The following CACNA2D4 variants were observed in gnomAD, a reference collection of about 807,000 sequenced individuals.
CACNA2D4 encodes calcium voltage-gated channel auxiliary subunit alpha2delta 4.
CACNA2D4 carries 157 observed loss-of-function variants against 163.8 expected under a neutral mutation model. The ratio of observed to expected loss-of-function variants is 0.96; its 90% CI spans 0.84 to 1.09. The LOEUF is 1.09. Ranked by LOEUF, CACNA2D4 falls within the 50% of genes least tolerant of loss-of-function variation. The pLI is 0.00. For synonymous variants in CACNA2D4, 598 were observed against 586.9 expected (o/e 1.02, Z -0.27); for missense variants, 1,410 against 1,479.9 (o/e 0.95, Z 0.78).
chr12:1,913,074 C>A lies in CACNA2D4; in HGVS notation c.375G>T (p.Lys125Asn), dbSNP rs369268682. 1.2e-5 allele frequency: 20 copies of A among 1,613,810 alleles called. No individual in the cohort carries two copies. Among genetic ancestry groups the A allele is most frequent in the Admixed American group, 5.0e-5 (3 of 60,012 alleles). ...GCATGTTCTCCATGTCCTCTGAGAA[C>A]TTCCTCACCAGCTCCAAGCCATCCA... ...EEVDGLELVR[K>N]FSEDMENMLR... Residue 125 changes from lysine (K) to asparagine (N), a missense_variant, in exon 3 of 38, where the codon AAG (lysine) becomes AAT (asparagine). Coordinates refer to ENST00000382722, the MANE Select transcript of CACNA2D4 (RefSeq NM_172364.5).
At position 1,882,862 on chromosome 12, in the gene CACNA2D4, C is replaced by T; in HGVS notation, c.1485+5G>A. On this transcript the variant is annotated splice_donor_5th_base_variant and intron_variant, in intron 13 of 37. Coordinates refer to ENST00000382722, the MANE Select transcript of CACNA2D4 (RefSeq NM_172364.5). ...TCTCGAGCTGGGAGCTGCTGCCAGG[C>T]TCACCTTGCTGTCCATGTAGGCCTC... 1.2e-6 allele frequency: 2 copies of T among 1,613,610 alleles called. No individual in the cohort carries two copies. The highest frequency in any genetic ancestry group is 2.2e-5 in the South Asian group (2 of 90,974).
At chr12:1,811,785 T>G in intron 26 of CACNA2D4, 62 bp from the exon 27 acceptor site, 1 of 1,500,036 alleles carries the variant, frequency 6.7e-7, no homozygotes, top group Non-Finnish European at 9.1e-7. Context: ...AAAAATAGAG[T>G]CAAGTTAAAG....
At chr12:1,871,590 A>G (rs1237716822) in intron 18 of CACNA2D4, among the ~76,000 whole-genome samples, 2 of 133,446 alleles carry the variant, frequency 1.5e-5, no homozygotes, top group East Asian at 2.4e-4. Flanking sequence ...TTGCTGGTGT[A>G]TGTGTGTACA....
At chr12:1,846,567 C>T in intron 24 of CACNA2D4, 27 bp downstream of exon 24, 1 of 1,549,736 alleles carries the variant, frequency 6.5e-7, no homozygotes, top group Non-Finnish European at 8.7e-7. Flanking sequence ...CAGGGATTGC[C>T]CTCCCGAGGT....
intron 22 of CACNA2D4, among the ~76,000 whole-genome samples, chr12:1,855,738 T>G (rs1440309861): frequency 6.6e-6 from 1 of 152,182 alleles, no homozygotes; most frequent in African/African-American, 2.4e-5. Flanking sequence ...TAACAGAGCT[T>G]GGTGGATAGA....
chr12:1,804,998 A>T (rs1020632014), intron 29 of CACNA2D4, among the ~76,000 whole-genome samples: 10 of 152,252 alleles, frequency 6.6e-5, no homozygotes, highest in African/African-American at 2.4e-4. Flanking sequence ...GCGAAGGTCC[A>T]AACGTCGACG....
chr12:1,915,178 C>T (rs1163348609), intron 1 of CACNA2D4: 1 of 702,576 alleles, frequency 1.4e-6, no homozygotes, highest in African/African-American at 1.7e-5. Context: ...TGCCCAGAAA[C>T]ACACAAAAGA....
chr12:1,800,521 A>G, intron 31 of CACNA2D4, 83 bp from the exon 32 acceptor site: 2 of 1,371,268 alleles, frequency 1.5e-6, no homozygotes, highest in Non-Finnish European at 1.0e-6. Context: ...CCACCCTCAG[A>G]GAGACCAGAG....
Position 1,855,887 on chromosome 12 carries a change from C to A in CACNA2D4, c.2152+125G>T, listed in dbSNP as rs892465387. On this transcript the variant is annotated intron_variant, in intron 22 of 37. Transcript: ENST00000382722. The stretch of plus-strand genomic sequence containing the variant: ...GGGAATCTCCCTGTTTGATCTAAGC[C>A]ATCCATGTGCTAATGGGATAGGGCT... The A allele has an allele frequency of 1.2e-5, 8 of 688,482 alleles. No individual in the cohort carries two copies. The African/African-American group carries it at 1.4e-4, about 12-fold the overall frequency. The allele number at this position is 688,482 out of a possible 1,614,324, so 42.6% of individuals were successfully genotyped here. A position where few individuals can be genotyped will look rare whatever the true frequency, so the allele number is the denominator to read the frequency against.
intron 18 of CACNA2D4, among the ~76,000 whole-genome samples, chr12:1,866,124 CAAA>C (rs1865646945): frequency 6.6e-6 from 1 of 152,186 alleles, no homozygotes. Flanking sequence ...ATTTTACCAT[CAAA>C]AGTTAGCTCC....
intron 30 of CACNA2D4, 44 bp downstream of exon 30, chr12:1,801,529 GT>G: frequency 7.0e-7 from 1 of 1,435,224 alleles, no homozygotes; most frequent in Non-Finnish European, 9.6e-7. Context: ...TCAGCTCTCG[GT>G]TTGCTGTGTC....
intron 18 of CACNA2D4, among the ~76,000 whole-genome samples, chr12:1,871,177 G>T (rs912262711): frequency 6.8e-6 from 1 of 146,576 alleles, no homozygotes; most frequent in Non-Finnish European, 1.5e-5. Context: ...GTGTGTGCCT[G>T]TGTACACGTG....
chr12:1,810,301 G>A lies in CACNA2D4; in HGVS notation c.2698C>T (p.Leu900=). ...CFVIDNNGFI[L]ISKRSRETGR... ...ACCTCTCGGGACCTCTTGGAGATCA[G>A]AATGAACCCGTTGTTGTCGATGACG... Residue 900 remains leucine, a synonymous_variant, in exon 29 of 38, where the codon CTG becomes TTG. Coordinates refer to ENST00000382722, the MANE Select transcript of CACNA2D4 (RefSeq NM_172364.5). 1.2e-6 allele frequency: 2 copies of A among 1,613,950 alleles called. No individual in the cohort carries two copies. Among genetic ancestry groups the A allele is most frequent in the South Asian group, 1.1e-5 (1 of 91,068 alleles).
In CACNA2D4 at chr12:1,834,489, C is replaced by T; in HGVS notation, c.2551+6250G>A. Reference sequence around the variant, plus strand: ...GAGCCGGAGCCCAGCACAGCCTGCCCACAGAAGCAGAGGCACCGGCCGGCG... The same window carrying T: ...GAGCCGGAGCCCAGCACAGCCTGCCTACAGAAGCAGAGGCACCGGCCGGCG... On this transcript the variant is annotated intron_variant, in intron 26 of 37. Transcript: ENST00000382722. This position sits in a 1 kb window ranked among gnomAD's most constrained non-coding sequence, Gnocchi z 7.6. 1.2e-6 allele frequency: 2 copies of T among 1,609,596 alleles called. No homozygotes were observed. Among genetic ancestry groups the T allele is most frequent in the Non-Finnish European group, 1.7e-6 (2 of 1,179,862 alleles).
At chr12:1,904,307 C>T (rs1057253163) in intron 6 of CACNA2D4, among the ~76,000 whole-genome samples, 1 of 151,660 alleles carries the variant, frequency 6.6e-6, no homozygotes, top group Non-Finnish European at 1.5e-5. Context: ...TATTTGATAG[C>T]ACAACAGGGT....
rs1000234980 is a variant in CACNA2D4 at position 1,828,777 on chromosome 12, C to T, written c.2551+11962G>A. Among the ~76,000 whole-genome samples the T allele has an allele frequency of 1.4e-4, 22 of 152,302 alleles. No individual in the cohort carries two copies. Among genetic ancestry groups the T allele is most frequent in the Admixed American group, 1.3e-3 (20 of 15,302 alleles). On this transcript the variant is annotated intron_variant, in intron 26 of 37. Coordinates refer to ENST00000382722, the MANE Select transcript of CACNA2D4 (RefSeq NM_172364.5). This position sits in a 1 kb window ranked among gnomAD's most constrained non-coding sequence, Gnocchi z 4.2. The stretch of plus-strand genomic sequence containing the variant: ...GAGACTTTGGGGAGTGGGTCCAACC[C>T]CTCCTGCATATAGGCAGACTGAGCC...
intron 26 of CACNA2D4, among the ~76,000 whole-genome samples, chr12:1,840,240 G>C (rs1373533193): frequency 1.3e-5 from 2 of 152,090 alleles, no homozygotes; most frequent in Non-Finnish European, 2.9e-5. Flanking sequence ...TTAGCTTTAT[G>C]ATGATGACGA....
At chr12:1,810,493 C>A (rs752431247) in intron 28 of CACNA2D4, 50 bp downstream of exon 28, 2 of 1,537,660 alleles carry the variant, frequency 1.3e-6, no homozygotes, top group South Asian at 1.2e-5. Context: ...GAGGACCGGG[C>A]GGAGGGCCAT....
intron 29 of CACNA2D4, among the ~76,000 whole-genome samples, chr12:1,807,930 A>G (rs1239739655): frequency 1.3e-5 from 2 of 152,196 alleles, no homozygotes; most frequent in East Asian, 3.8e-4. Context: ...ATAAAACTAC[A>G]CACGGGGTAA....
Sources: gnomAD v4.1 joint callset for allele counts (sites outside exome capture counted in the v4.1 genomes callset) on GRCh38, gnomAD v4.1.1 for gene constraint, Gnocchi (gnomAD v3.1) non-coding constraint, MANE v1.5 for transcripts, NCBI Gene and HGNC (gene_info 2026-07-23, HGNC 2026-07-21) for gene names.